The following MACROD1 variants were observed in gnomAD, a reference collection of about 807,000 sequenced individuals.
MACROD1 encodes the protein ADP-ribose glycohydrolase MACROD1.
Under a neutral mutation model 41.4 loss-of-function variants are expected in MACROD1, and 31 were observed. The observed-to-expected ratio is 0.75, with a 90% CI of 0.56 to 1.01. The LOEUF (loss-of-function observed/expected upper bound fraction) is 1.01. Among genes scored for constraint, MACROD1 ranks in the 50% least tolerant of loss-of-function variants. The pLI is 0.00. For synonymous variants in MACROD1, 252 were observed against 203.4 expected, an observed-to-expected ratio of 1.24 and a Z score of -2.03; for missense variants, 473 against 460.0, an observed-to-expected ratio of 1.03 and a Z score of -0.26.
intron 3 of MACROD1, among the ~76,000 whole-genome samples, chr11:64,040,419 G>C (rs998808733): frequency 2.0e-5 from 3 of 152,126 alleles, no homozygotes; most frequent in African/African-American, 7.2e-5. Flanking sequence ...GGGGCTCAAG[G>C]CACCCGGCCA....
chr11:64,165,551 G>A (rs1945826720), intron 1 of MACROD1, 146 bp downstream of exon 1: 2 of 619,980 alleles, frequency 3.2e-6, no homozygotes, highest in South Asian at 7.3e-5. Flanking sequence ...TCAATGGGGA[G>A]GAGGGGTCCG....
chr11:64,022,819 G>A (rs926195307), intron 3 of MACROD1, among the ~76,000 whole-genome samples: 1 of 151,594 alleles, frequency 6.6e-6, no homozygotes, highest in African/African-American at 2.4e-5. Context: ...GAGGGTGAGG[G>A]CTCCCATTTA....
intron 3 of MACROD1, among the ~76,000 whole-genome samples, chr11:64,099,838 T>C (rs1411020963): frequency 6.6e-6 from 1 of 150,584 alleles, no homozygotes; most frequent in Non-Finnish European, 1.5e-5. Context: ...GATGGATGGA[T>C]GGATGGATGA....
intron 1 of MACROD1, 46 bp from the exon 2 acceptor site, chr11:64,152,439 C>A: frequency 6.8e-7 from 1 of 1,476,280 alleles, no homozygotes; most frequent in Non-Finnish European, 9.5e-7. Flanking sequence ...GAGGAACGGG[C>A]CTGGGGCTTG....
Position 64,122,410 on chromosome 11 carries a change from AGC to A in MACROD1, c.517+28827_517+28828del, listed in dbSNP as rs1945113180. ...GGACAGCACCTGGGAAGATGGCAGC[AGC>A]TAGGAGGGGCCCAACCTGACTCTCC... On this transcript the variant is annotated intron_variant, in intron 3 of 10. Transcript: ENST00000255681. This position sits in a 1 kb window ranked among gnomAD's most constrained non-coding sequence, Gnocchi z 4.0. Among the ~76,000 whole-genome samples, 1 of 152,178 alleles carries A rather than the reference AGC, an allele frequency of 6.6e-6. No homozygotes were observed. Among genetic ancestry groups the A allele is most frequent in the Admixed American group, 6.5e-5 (1 of 15,282 alleles).
rs375297047 is a variant in MACROD1, at chr11:64,063,859, G to A, written c.518-48578C>T. On this transcript the variant is annotated intron_variant, in intron 3 of 10. Transcript: ENST00000255681. Reference sequence around the variant, plus strand: ...GCAATTAGCACAGACAATGCCTCCCGCTTTCTCCCCAGCCCCAGAGAGGGT... The same window carrying A: ...GCAATTAGCACAGACAATGCCTCCCACTTTCTCCCCAGCCCCAGAGAGGGT... 1.8e-4 allele frequency among the ~76,000 whole-genome samples: 28 copies of A among 152,308 alleles called. No homozygotes were observed. The East Asian group carries it at 5.0e-3, about 27-fold the overall frequency.
rs78407638 is a variant in MACROD1 at position 64,040,430 on chromosome 11, G to C, written c.518-25149C>G. Among the ~76,000 whole-genome samples, 394 of 152,316 alleles carry C rather than the reference G, an allele frequency of 2.6e-3. 10 individuals carry two copies. The East Asian group carries it at 0.063, about 24-fold the overall frequency. On this transcript the variant is annotated intron_variant, in intron 3 of 10. Coordinates refer to ENST00000255681, the MANE Select transcript of MACROD1 (RefSeq NM_014067.4). ...CAGAGGGGCTCAAGGCACCCGGCCA[G>C]GGCTGGGGCTGGTGGGCTGTCTCCC...
intron 3 of MACROD1, among the ~76,000 whole-genome samples, chr11:64,069,832 T>G (rs1227471771): frequency 6.6e-6 from 1 of 152,144 alleles, no homozygotes. Context: ...TCGACAGTCA[T>G]TAAGTCTTTA....
At chr11:64,108,119 G>C (rs1457254581) in intron 3 of MACROD1, among the ~76,000 whole-genome samples, 1 of 152,082 alleles carries the variant, frequency 6.6e-6, no homozygotes, top group Non-Finnish European at 1.5e-5. Flanking sequence ...TTAGTGACCA[G>C]CCTGACCAAC....
At chr11:64,092,975 G>A (rs1388395330) in intron 3 of MACROD1, among the ~76,000 whole-genome samples, 1 of 152,218 alleles carries the variant, frequency 6.6e-6, no homozygotes, top group East Asian at 1.9e-4. Flanking sequence ...AGTTCGGCTT[G>A]CAGCCTCCAG....
At chr11:64,069,337 G>C (rs1944063596) in intron 3 of MACROD1, among the ~76,000 whole-genome samples, 1 of 152,198 alleles carries the variant, frequency 6.6e-6, no homozygotes, top group Non-Finnish European at 1.5e-5. Flanking sequence ...AGCCTGGGGG[G>C]CACAGGAGGC....
At chr11:64,022,023 AGCACAGCCAGGCAGGGGTGGGGGAC>A (rs1943164203) in intron 3 of MACROD1, among the ~76,000 whole-genome samples, 1 of 134,674 alleles carries the variant, frequency 7.4e-6, no homozygotes, top group Non-Finnish European at 1.6e-5. Context: ...TGGTGTGAGC[AGCACAGCCAGGCAGGGGTGGGGGAC>A]GAGGAGCAAA....
intron 3 of MACROD1, among the ~76,000 whole-genome samples, chr11:64,046,205 G>T (rs1184801149): frequency 6.6e-6 from 1 of 152,146 alleles, no homozygotes; most frequent in Non-Finnish European, 1.5e-5. Flanking sequence ...CAGAGCAGCC[G>T]ACTCCCACTG....
chr11:64,042,300 C>T (rs1943502645), intron 3 of MACROD1, among the ~76,000 whole-genome samples: 1 of 152,186 alleles, frequency 6.6e-6, no homozygotes, highest in East Asian at 1.9e-4. Flanking sequence ...CTGGAAGCTG[C>T]CACGAGGAAG....
intron 3 of MACROD1, among the ~76,000 whole-genome samples, chr11:64,068,015 G>A (rs775458153): frequency 1.3e-5 from 2 of 152,278 alleles, no homozygotes; most frequent in East Asian, 1.9e-4. Context: ...ACGGAAAACC[G>A]CCGGTCTTGG....
At chr11:64,133,131 C>A (rs560000960) in intron 3 of MACROD1, among the ~76,000 whole-genome samples, 2 of 152,186 alleles carry the variant, frequency 1.3e-5, no homozygotes, top group Admixed American at 1.3e-4. Context: ...CCCTGAGCAG[C>A]CCCCAGCGCC....
intron 3 of MACROD1, among the ~76,000 whole-genome samples, chr11:64,018,041 C>T (rs543318196): frequency 3.9e-5 from 6 of 152,100 alleles, no homozygotes; most frequent in Admixed American, 1.3e-4. Flanking sequence ...GACGCCAACC[C>T]GGCCAGAGCC....
chr11:64,060,937 C>CGCG lies in MACROD1; in HGVS notation c.518-45659_518-45657dup, dbSNP rs544654619. Among the ~76,000 whole-genome samples the CGCG allele has an allele frequency of 4.4e-3, 660 of 151,420 alleles. 10 individuals are homozygous for CGCG. Among genetic ancestry groups the CGCG allele is most frequent in the African/African-American group, 0.012 (516 of 41,386 alleles). On this transcript the variant is annotated intron_variant, in intron 3 of 10. Transcript: ENST00000255681. Reference sequence around the variant, plus strand: ...TCATGACCTTGGCGGGCATGCGCACCGCGGCGGCGGCGGCGGCGGGGCTCC... The same window carrying CGCG: ...TCATGACCTTGGCGGGCATGCGCACCGCGGCGGCGGCGGCGGCGGCGGGGCTCC...
intron 3 of MACROD1, among the ~76,000 whole-genome samples, chr11:64,027,154 G>A (rs1349849800): frequency 1.3e-5 from 2 of 152,250 alleles, no homozygotes; most frequent in Non-Finnish European, 2.9e-5. Flanking sequence ...ATGTCACAGA[G>A]GGTTAGCAGT....
Sources: allele counts gnomAD v4.1 joint callset (sites outside exome capture counted in the v4.1 genomes callset), GRCh38; gene constraint gnomAD v4.1.1; non-coding constraint Gnocchi (gnomAD v3.1); transcripts MANE v1.5; gene names NCBI Gene and HGNC (gene_info 2026-07-23, HGNC 2026-07-21).